The following RORA variants were observed in gnomAD, a reference collection of about 807,000 sequenced individuals.
RORA encodes nuclear receptor ROR-alpha.
Under a neutral mutation model 69.5 loss-of-function variants are expected in RORA, and 7 were observed. The ratio of observed to expected loss-of-function variants is 0.10; its 90% CI spans 0.06 to 0.19. The LOEUF (loss-of-function observed/expected upper bound fraction) is 0.19, where lower values mean the gene tolerates loss of function less well. Among genes scored for constraint, RORA ranks in the 10% least tolerant of loss-of-function variants. RORA has a pLI of 1.00. For synonymous variants in RORA, 261 were observed against 240.8 expected, an observed-to-expected ratio of 1.08 and a Z score of -0.78; for missense variants, 457 against 663.0, an observed-to-expected ratio of 0.69 and a Z score of 3.41.
Position 61,119,082 on chromosome 15 carries a change from G to GGA in RORA, c.166+109970_166+109971insTC, listed in dbSNP as rs1555412569. Among the ~76,000 whole-genome samples the GGA allele has an allele frequency of 1.3e-3, 164 of 130,874 alleles. 1 individual carries two copies. The highest frequency in any genetic ancestry group is 4.0e-3 in the East Asian group (16 of 4,000). The allele number at this position is 130,874 out of a possible 152,430, so 85.9% of individuals were successfully genotyped here. A position where few individuals can be genotyped will look rare whatever the true frequency, so the allele number is the denominator to read the frequency against. On this transcript the variant is annotated intron_variant, in intron 1 of 10. Coordinates refer to ENST00000335670, the MANE Select transcript of RORA (RefSeq NM_134261.3). ...AGTCGGGAAGATGCAGTTAACAGAA[G>GGA]GGGGGGGGGGGCGCCATGGAGCAGT...
Position 60,715,271 on chromosome 15 carries a change from A to G in RORA, c.167-36585T>C, listed in dbSNP as rs562965005. ...AGGACATAGTGAGAAGCAAAGAGGCATGAAAGTGGATAAGAATCTTAGTGG... is the reference window on the plus strand; with the variant it reads ...AGGACATAGTGAGAAGCAAAGAGGCGTGAAAGTGGATAAGAATCTTAGTGG... On this transcript the variant is annotated intron_variant, in intron 1 of 10. Coordinates refer to ENST00000335670, the MANE Select transcript of RORA (RefSeq NM_134261.3). Among the ~76,000 whole-genome samples the G allele has an allele frequency of 2.0e-5, 3 of 152,374 alleles. No individual in the cohort carries two copies. In the East Asian group the frequency reaches 5.8e-4, roughly 29 times the overall value.
intron 1 of RORA, among the ~76,000 whole-genome samples, chr15:61,202,783 A>T (rs1317398342): frequency 2.0e-5 from 3 of 152,146 alleles, no homozygotes; most frequent in Non-Finnish European, 4.4e-5. Context: ...AAAAACAAAC[A>T]AACAAACAAA....
At chr15:60,819,348 T>C (rs2072857902) in intron 1 of RORA, among the ~76,000 whole-genome samples, 1 of 152,218 alleles carries the variant, frequency 6.6e-6, no homozygotes, top group African/African-American at 2.4e-5. Context: ...ACATCCGCTA[T>C]GGAATTAGTC....
intron 1 of RORA, among the ~76,000 whole-genome samples, chr15:61,166,821 C>T (rs1044604506): frequency 9.2e-5 from 14 of 152,124 alleles, no homozygotes; most frequent in Admixed American, 3.3e-4. Flanking sequence ...ATGTTATCCA[C>T]AGCTACAATG....
At chr15:60,840,871 C>T (rs924716996) in intron 1 of RORA, among the ~76,000 whole-genome samples, 2 of 152,174 alleles carry the variant, frequency 1.3e-5, no homozygotes, top group Non-Finnish European at 2.9e-5. Flanking sequence ...GCCTGACCAG[C>T]TGGAGCCCAG....
At chr15:60,594,814 G>T (rs1335524154) in intron 2 of RORA, among the ~76,000 whole-genome samples, 2 of 152,158 alleles carry the variant, frequency 1.3e-5, no homozygotes, top group African/African-American at 4.8e-5. Flanking sequence ...GACATTTCCA[G>T]AATAATGTAA....
chr15:60,755,436 A>C (rs571452851), intron 1 of RORA, among the ~76,000 whole-genome samples: 157 of 152,102 alleles, frequency 1.0e-3, no homozygotes, highest in African/African-American at 3.5e-3. Context: ...ATAGTGCCGC[A>C]ATAAACATAC....
In RORA at chr15:61,131,414, C is replaced by G. The variant is rs2079188977; in HGVS notation, c.166+97639G>C. ...AGCAGCATTTGCTGGAGCAAGGTGA[C>G]TCCAGCATTTCTCTAGAGGACACAG... is the stretch of plus-strand genomic sequence containing the variant. On this transcript the variant is annotated intron_variant, in intron 1 of 10. Transcript: ENST00000335670. This position sits in a 1 kb window ranked among gnomAD's most constrained non-coding sequence, Gnocchi z 4.2. Among the ~76,000 whole-genome samples the G allele has an allele frequency of 6.6e-6, 1 of 152,214 alleles. No homozygotes were observed. Among genetic ancestry groups the G allele is most frequent in the Non-Finnish European group, 1.5e-5 (1 of 68,036 alleles).
At chr15:60,876,011 CA>C (rs1696984939) in intron 1 of RORA, among the ~76,000 whole-genome samples, 1 of 152,056 alleles carries the variant, frequency 6.6e-6, no homozygotes. Flanking sequence ...CTTTGAAGAC[CA>C]CAGTTGTTCA....
chr15:61,093,461 G>C lies in RORA; in HGVS notation c.166+135592C>G, dbSNP rs531736468. Among the ~76,000 whole-genome samples the C allele has an allele frequency of 3.0e-4, 46 of 152,322 alleles. No individual in the cohort carries two copies. In the South Asian group the frequency reaches 8.3e-3, roughly 27 times the overall value. ...GGCATTATCCCAGATCCTATGCCTGGAGATACAGACCAACAATGCTGCGGC... is the reference window on the plus strand; with the variant it reads ...GGCATTATCCCAGATCCTATGCCTGCAGATACAGACCAACAATGCTGCGGC... On this transcript the variant is annotated intron_variant, in intron 1 of 10. Coordinates refer to ENST00000335670, the MANE Select transcript of RORA (RefSeq NM_134261.3).
intron 1 of RORA, among the ~76,000 whole-genome samples, chr15:60,741,135 A>AT (rs1399025145): frequency 1.3e-5 from 2 of 152,362 alleles, no homozygotes; most frequent in East Asian, 3.9e-4. Context: ...CAAGCAGCTA[A>AT]TGTTACAACA....
At chr15:61,157,990 A>G (rs1436196935) in intron 1 of RORA, among the ~76,000 whole-genome samples, 1 of 152,170 alleles carries the variant, frequency 6.6e-6, no homozygotes, top group Non-Finnish European at 1.5e-5. Context: ...CCTGGAGAGC[A>G]TGGAAAGCCA....
At chr15:61,163,832 A>C (rs1250942326) in intron 1 of RORA, among the ~76,000 whole-genome samples, 1 of 152,182 alleles carries the variant, frequency 6.6e-6, no homozygotes, top group Non-Finnish European at 1.5e-5. Flanking sequence ...TGAGCTCTTA[A>C]CATGCCATTT....
intron 1 of RORA, among the ~76,000 whole-genome samples, chr15:60,762,733 C>T (rs958464274): frequency 1.3e-5 from 2 of 152,176 alleles, no homozygotes; most frequent in Non-Finnish European, 2.9e-5. Flanking sequence ...TATCATCTAA[C>T]CGCTACCCTA....
At chr15:60,581,238 A>G (rs2068183851) in intron 2 of RORA, among the ~76,000 whole-genome samples, 1 of 152,222 alleles carries the variant, frequency 6.6e-6, no homozygotes, top group African/African-American at 2.4e-5. Context: ...GGGATTCTGA[A>G]CGTAACAGCA....
At chr15:60,608,859 C>T (rs951660341) in intron 2 of RORA, among the ~76,000 whole-genome samples, 5 of 152,072 alleles carry the variant, frequency 3.3e-5, no homozygotes, top group East Asian at 1.9e-4. Flanking sequence ...TACAGTAAAC[C>T]GGATCATATG....
At chr15:61,170,172 T>C (rs1048872655) in intron 1 of RORA, among the ~76,000 whole-genome samples, 13 of 152,220 alleles carry the variant, frequency 8.5e-5, no homozygotes, top group African/African-American at 2.9e-4. Flanking sequence ...TTACCATAAA[T>C]GCAGTGGCTT....
chr15:61,219,507 G>A (rs1426358643), intron 1 of RORA, among the ~76,000 whole-genome samples: 4 of 152,206 alleles, frequency 2.6e-5, no homozygotes, highest in Admixed American at 6.5e-5. Flanking sequence ...CCCAGGAGGC[G>A]GAGCTTGCAG....
At chr15:61,078,550 T>A (rs2140645274) in intron 1 of RORA, among the ~76,000 whole-genome samples, 1 of 152,286 alleles carries the variant, frequency 6.6e-6, no homozygotes, top group Admixed American at 6.5e-5. Context: ...CAGTAACTAT[T>A]CTAGGCAGAT....
Sources: allele counts gnomAD v4.1 joint callset (sites outside exome capture counted in the v4.1 genomes callset), GRCh38; gene constraint gnomAD v4.1.1; non-coding constraint Gnocchi (gnomAD v3.1); transcripts MANE v1.5; gene names NCBI Gene and HGNC (gene_info 2026-07-23, HGNC 2026-07-21).